The following VIRMA variants were observed in gnomAD, a reference collection of about 807,000 sequenced individuals.
VIRMA encodes vir like m6A methyltransferase associated.
A neutral mutation model predicts 182.4 loss-of-function variants in VIRMA; 65 were observed. The observed-to-expected ratio is 0.36, with a 90% CI of 0.29 to 0.44. VIRMA has a LOEUF of 0.44. Among genes scored for constraint, VIRMA ranks in the 20% least tolerant of loss-of-function variants. VIRMA has a pLI of 1.00. For missense variants in VIRMA, 1,752 were observed against 2,158.1 expected (o/e 0.81, Z 3.73); for synonymous variants, 709 against 743.1 (o/e 0.95, Z 0.75).
intron 12 of VIRMA, 30 bp downstream of exon 12, chr8:94,511,966 G>GTAC: frequency 1.6e-6 from 2 of 1,268,306 alleles, no homozygotes; most frequent in Non-Finnish European, 2.2e-6. Context: ...CTTAAGAATC[G>GTAC]TAGTTTTTAA....
intron 2 of VIRMA, among the ~76,000 whole-genome samples, 151 bp downstream of exon 2, chr8:94,543,670 AGAAAAT>A (rs1284333232): frequency 6.6e-6 from 1 of 152,172 alleles, no homozygotes; most frequent in African/African-American, 2.4e-5. Context: ...TGCATTATAC[AGAAAAT>A]ATAGAGCCAA....
chr8:94,550,660 C>T (rs1317223994), intron 1 of VIRMA, among the ~76,000 whole-genome samples: 2 of 151,802 alleles, frequency 1.3e-5, no homozygotes, highest in African/African-American at 2.4e-5. Context: ...TTGTATGATT[C>T]GCCTGCTCAA....
intron 15 of VIRMA, among the ~76,000 whole-genome samples, chr8:94,507,041 A>T (rs1171355013): frequency 6.6e-6 from 1 of 152,110 alleles, no homozygotes; most frequent in Non-Finnish European, 1.5e-5. Flanking sequence ...TAAAGGTAAA[A>T]AGTATTTTGT....
At chr8:94,533,915 T>C (rs1178430050) in intron 5 of VIRMA, 2 of 151,810 alleles carry the variant, frequency 1.3e-5, no homozygotes, top group African/African-American at 4.8e-5. Context: ...TAAATAGACA[T>C]AGGGTCTCGC....
intron 2 of VIRMA, 39 bp downstream of exon 2, chr8:94,543,788 T>C (rs2130388927): frequency 8.6e-7 from 1 of 1,161,744 alleles, no homozygotes; most frequent in East Asian, 2.4e-5. Context: ...TAAGACAATC[T>C]TTAACCAAAA....
At chr8:94,510,676 T>A in intron 13 of VIRMA, 24 bp from the exon 14 acceptor site, 1 of 1,504,624 alleles carries the variant, frequency 6.6e-7, no homozygotes. Flanking sequence ...ATAATGTGTG[T>A]GTACGTAGAT....
Position 94,492,712 on chromosome 8 carries a change from G to T in VIRMA, c.4748C>A (p.Thr1583Asn), listed in dbSNP as rs1403278725. 7.4e-6 allele frequency: 12 copies of T among 1,613,928 alleles called. No homozygotes were observed. Among genetic ancestry groups the T allele is most frequent in the Non-Finnish European group, 1.0e-5 (12 of 1,179,912 alleles). Residue 1583 changes from threonine (T) to asparagine (N), a missense_variant, in exon 21 of 24, where the codon ACC becomes AAC. By Grantham distance (65) the Thr-to-Asn change is moderately conservative. Around this residue, in one of 11 missense-constraint regions of VIRMA, gnomAD observed 777 missense variants for 920.6 expected, o/e 0.84. Transcript: ENST00000297591. ...FLSEPSSPGR[T>N]KTTKGFKLGK... ...AAGTTTGAATCCTTTAGTAGTCTTG[G>T]TTCTTCCTGGAGATGATGGTTCTGA...
intron 2 of VIRMA, among the ~76,000 whole-genome samples, chr8:94,539,354 C>T (rs1815461789): frequency 6.6e-6 from 1 of 152,094 alleles, no homozygotes; most frequent in Admixed American, 6.6e-5. Context: ...CAGCAATTTA[C>T]AAAAATATTT....
intron 1 of VIRMA, among the ~76,000 whole-genome samples, chr8:94,544,571 G>C (rs563065976): frequency 6.8e-6 from 1 of 147,276 alleles, no homozygotes; most frequent in East Asian, 2.2e-4. Context: ...TGAGGCAGGA[G>C]AATGGCGTGA....
chr8:94,510,021 C>T lies in VIRMA; in HGVS notation c.3627-81G>A, dbSNP rs1487553400. On this transcript the variant is annotated intron_variant, in intron 14 of 23. Transcript: ENST00000297591. Reference sequence around the variant, plus strand: ...TAACTAGTATTTATTTCTCAATACACATCAACTTACACAAATTTTGCATAA... The same window carrying T: ...TAACTAGTATTTATTTCTCAATACATATCAACTTACACAAATTTTGCATAA... 14 of 1,228,138 alleles carry T rather than the reference C, an allele frequency of 1.1e-5. No homozygotes were observed. The South Asian group carries it at 2.1e-4, about 18-fold the overall frequency. 76.1% of individuals were successfully genotyped at this position (1,228,138 alleles called of 1,614,324 possible).
intron 1 of VIRMA, among the ~76,000 whole-genome samples, chr8:94,553,176 C>A (rs1284242430): frequency 6.6e-6 from 1 of 152,098 alleles, no homozygotes; most frequent in Non-Finnish European, 1.5e-5. Context: ...ACCAAAGACA[C>A]GGAGGGCCCA....
Position 94,488,514 on chromosome 8 carries a change from C to T in VIRMA, c.*192G>A. On this transcript the variant is annotated 3_prime_UTR_variant, in exon 24 of 24. Coordinates refer to ENST00000297591, the MANE Select transcript of VIRMA (RefSeq NM_015496.5). Reference sequence around the variant, plus strand: ...TCATACAAAAAAGGGAAAATATATACAAACGTACATACAAAGTTTGGATTT... The same window carrying T: ...TCATACAAAAAAGGGAAAATATATATAAACGTACATACAAAGTTTGGATTT... The T allele has an allele frequency of 6.3e-6, 3 of 479,980 alleles. No homozygotes were observed. Among genetic ancestry groups the T allele is most frequent in the Non-Finnish European group, 1.1e-5 (3 of 274,426 alleles). 29.7% of individuals were successfully genotyped at this position (479,980 alleles called of 1,614,324 possible).
chr8:94,511,385 T>C lies in VIRMA; in HGVS notation c.3190A>G (p.Ile1064Val). 1.9e-6 allele frequency: 3 copies of C among 1,613,974 alleles called. No individual in the cohort carries two copies. The highest frequency in any genetic ancestry group is 2.5e-6 in the Non-Finnish European group (3 of 1,179,956). ...GTAAAAGTCAGTAAAATATCAATGA[T>C]ATCATTCTGAATTTTCTGTTCATCA... ...DSDEQKIQNDIIDILLTFTQG... is the reference protein window; with the variant it reads ...DSDEQKIQNDVIDILLTFTQG... Residue 1064 changes from isoleucine (I) to valine (V), a missense_variant, in exon 13 of 24, where the codon ATC (isoleucine) becomes GTC (valine). This residue lies in a region of VIRMA where 777 missense variants were observed against 920.6 expected (regional missense o/e 0.84). Transcript: ENST00000297591.
intron 1 of VIRMA, among the ~76,000 whole-genome samples, chr8:94,550,129 G>C (rs1179874730): frequency 6.6e-6 from 1 of 151,094 alleles, no homozygotes; most frequent in Non-Finnish European, 1.5e-5. Flanking sequence ...GGAAGGACCA[G>C]AGATGATTTA....
chr8:94,545,086 G>A (rs993119579), intron 1 of VIRMA, among the ~76,000 whole-genome samples: 9 of 152,034 alleles, frequency 5.9e-5, no homozygotes, highest in African/African-American at 2.2e-4. Context: ...TGATATGATC[G>A]CCTCACTGCA....
At chr8:94,488,939 G>A in intron 23 of VIRMA, 79 bp from the exon 24 acceptor site, 2 of 1,465,190 alleles carry the variant, frequency 1.4e-6, no homozygotes, top group Non-Finnish European at 9.3e-7. Flanking sequence ...ACGACACTGA[G>A]CTCAAACCAA....
At chr8:94,546,908 T>G (rs963528359) in intron 1 of VIRMA, 4 of 455,550 alleles carry the variant, frequency 8.8e-6, no homozygotes, top group African/African-American at 2.0e-5. Context: ...ACTGGCTTCT[T>G]TATTGCTCCA....
chr8:94,513,606 G>A (rs1377379589), intron 11 of VIRMA, among the ~76,000 whole-genome samples: 1 of 151,924 alleles, frequency 6.6e-6, no homozygotes, highest in Non-Finnish European at 1.5e-5. Context: ...CATAATTAAT[G>A]GGATAAAGAT....
chr8:94,543,128 G>A (rs934113061), intron 2 of VIRMA, among the ~76,000 whole-genome samples: 19 of 151,814 alleles, frequency 1.3e-4, no homozygotes, highest in Admixed American at 3.3e-4. Context: ...GGCTGGTTTC[G>A]AACTCCTGAC....
Sources: gnomAD v4.1 joint callset for allele counts (sites outside exome capture counted in the v4.1 genomes callset) on GRCh38, gnomAD v4.1.1 for gene constraint, gnomAD v4.1.1 regional missense constraint, MANE v1.5 for transcripts, NCBI Gene and HGNC (gene_info 2026-07-23, HGNC 2026-07-21) for gene names.